DLG2: variants seen among roughly 807,000 people sequenced by gnomAD.
DLG2 encodes disks large homolog 2.
DLG2 carries 45 observed loss-of-function variants against 132.5 expected under a neutral mutation model. That is an observed-to-expected ratio of 0.34 (90% CI 0.27 to 0.44). The LOEUF is 0.44. Ranked by LOEUF, DLG2 falls within the 20% of genes least tolerant of loss-of-function variation. DLG2 has a pLI of 1.00. For synonymous variants in DLG2, 424 were observed against 419.6 expected (o/e 1.01, Z -0.13); for missense variants, 1,045 against 1,196.9 (o/e 0.87, Z 1.87).
At chr11:83,905,371 C>T (rs893262909) in intron 15 of DLG2, among the ~76,000 whole-genome samples, 1 of 152,136 alleles carries the variant, frequency 6.6e-6, no homozygotes, top group African/African-American at 2.4e-5. Context: ...AACTTCCTTA[C>T]AAAAACCTTC....
intron 6 of DLG2, among the ~76,000 whole-genome samples, chr11:84,608,994 T>C (rs2099590611): frequency 6.6e-6 from 1 of 152,308 alleles, no homozygotes; most frequent in Middle Eastern, 3.4e-3. Flanking sequence ...AGAACCTGAA[T>C]TGAAACAGAG....
intron 6 of DLG2, among the ~76,000 whole-genome samples, chr11:84,841,847 T>C (rs550929847): frequency 6.6e-6 from 1 of 152,072 alleles, no homozygotes; most frequent in South Asian, 2.1e-4. Context: ...TGCATCATAA[T>C]TTTTTTAACC....
chr11:85,590,067 T>G (rs2079215033), intron 3 of DLG2, among the ~76,000 whole-genome samples: 1 of 152,204 alleles, frequency 6.6e-6, no homozygotes, highest in Admixed American at 6.5e-5. Flanking sequence ...ATTATACTTA[T>G]TTAATATCTT....
intron 17 of DLG2, among the ~76,000 whole-genome samples, chr11:83,802,323 C>T (rs181479858): frequency 6.6e-6 from 1 of 152,120 alleles, no homozygotes; most frequent in Admixed American, 6.6e-5. Context: ...CCTTCAAGAT[C>T]TGCTTTGTGG....
At chr11:84,827,942 AG>A (rs1433522161) in intron 6 of DLG2, among the ~76,000 whole-genome samples, 11 of 151,938 alleles carry the variant, frequency 7.2e-5, no homozygotes, top group Admixed American at 2.6e-4. Context: ...AAAGGTGCAT[AG>A]GTTTTTATTT....
intron 7 of DLG2, among the ~76,000 whole-genome samples, chr11:84,429,172 T>A (rs1414714055): frequency 1.3e-5 from 2 of 152,222 alleles, no homozygotes; most frequent in African/African-American, 2.4e-5. Flanking sequence ...CCAGACCTTT[T>A]GTGTATAGTC....
chr11:84,210,531 T>TA (rs34149459), intron 8 of DLG2, among the ~76,000 whole-genome samples: 8,385 of 50,580 alleles, frequency 0.17, 778 homozygotes, highest in African/African-American at 0.28. Flanking sequence ...AAACTTAAAT[T>TA]AAAAAAAAAA....
chr11:85,171,183 A>C lies in DLG2; in HGVS notation c.187-16532T>G, dbSNP rs563891519. On this transcript the variant is annotated intron_variant, in intron 4 of 27. Transcript: ENST00000376104. ...GTCACAGGGAGGAGTGAAAACAGGA[A>C]GCGAATTCTGTACCTTCAACTGAGG... 3.3e-5 allele frequency among the ~76,000 whole-genome samples: 5 copies of C among 152,278 alleles called. 1 individual carries two copies. In the South Asian group the frequency reaches 1.0e-3, roughly 32 times the overall value.
At chr11:84,878,825 G>A (rs1445294467) in intron 6 of DLG2, among the ~76,000 whole-genome samples, 2 of 152,120 alleles carry the variant, frequency 1.3e-5, no homozygotes, top group Non-Finnish European at 2.9e-5. Context: ...AGAAGACAAG[G>A]ATAATTCAGT....
intron 10 of DLG2, among the ~76,000 whole-genome samples, chr11:84,084,059 G>C (rs2032401): frequency 0.64 from 97,407 of 151,888 alleles, 33,644 homozygotes; most frequent in Middle Eastern, 0.8. Context: ...TTTCTCCACA[G>C]TTCATACCTC....
At chr11:83,872,277 G>A (rs1483965790) in intron 16 of DLG2, among the ~76,000 whole-genome samples, 1 of 152,096 alleles carries the variant, frequency 6.6e-6, no homozygotes, top group Non-Finnish European at 1.5e-5. Flanking sequence ...AAATTGGCGA[G>A]TTGTATACTA....
chr11:84,742,021 A>T (rs886550599), intron 6 of DLG2, among the ~76,000 whole-genome samples: 1 of 152,080 alleles, frequency 6.6e-6, no homozygotes, highest in African/African-American at 2.4e-5. Flanking sequence ...ATTCAATGAA[A>T]TAAAAAATAC....
intron 3 of DLG2, among the ~76,000 whole-genome samples, chr11:85,372,659 G>T (rs2152919608): frequency 6.6e-6 from 1 of 152,338 alleles, no homozygotes; most frequent in East Asian, 1.9e-4. Context: ...GAACTCTAAG[G>T]CTACTAAGAC....
At chr11:84,013,739 C>T (rs538765491) in intron 11 of DLG2, among the ~76,000 whole-genome samples, 9 of 151,690 alleles carry the variant, frequency 5.9e-5, no homozygotes, top group Non-Finnish European at 1.0e-4. Context: ...TGGTGGTGCA[C>T]GCCTGTAATT....
At chr11:84,134,186 G>A (rs1203834725) in intron 9 of DLG2, among the ~76,000 whole-genome samples, 6 of 152,024 alleles carry the variant, frequency 3.9e-5, no homozygotes, top group South Asian at 2.1e-4. Flanking sequence ...ATGACATAGC[G>A]TGAAATGACC....
chr11:85,331,098 T>A (rs1254788542), intron 3 of DLG2, among the ~76,000 whole-genome samples: 1 of 152,208 alleles, frequency 6.6e-6, no homozygotes, highest in African/African-American at 2.4e-5. Flanking sequence ...AATAAACCCA[T>A]AATGTTGACA....
chr11:84,055,789 T>A (rs1443076486), intron 11 of DLG2, among the ~76,000 whole-genome samples: 1 of 152,092 alleles, frequency 6.6e-6, no homozygotes. Flanking sequence ...CCAATTTATA[T>A]TATAGGTGTT....
At chr11:84,358,945 T>C (rs2098633992) in intron 7 of DLG2, among the ~76,000 whole-genome samples, 2 of 151,910 alleles carry the variant, frequency 1.3e-5, no homozygotes, top group Admixed American at 1.3e-4. Flanking sequence ...ACCCAGATCA[T>C]TTCTCTTACA....
intron 8 of DLG2, among the ~76,000 whole-genome samples, chr11:84,199,378 T>A (rs927886291): frequency 7.2e-5 from 11 of 152,146 alleles, no homozygotes; most frequent in Admixed American, 1.3e-4. Context: ...GCTCTCACTC[T>A]CTGGGAAAAA....
Sources: gnomAD v4.1 joint callset for allele counts (sites outside exome capture counted in the v4.1 genomes callset) on GRCh38, gnomAD v4.1.1 for gene constraint, MANE v1.5 for transcripts, NCBI Gene and HGNC (gene_info 2026-07-23, HGNC 2026-07-21) for gene names.